The following MGA variants were observed in gnomAD, a reference collection of about 807,000 sequenced individuals.
MGA encodes MAX gene-associated protein.
Under a neutral mutation model 261.1 loss-of-function variants are expected in MGA, and 40 were observed. The ratio of observed to expected loss-of-function variants is 0.15; its 90% CI spans 0.12 to 0.20. The LOEUF is 0.20. Ranked by LOEUF, MGA falls within the 10% of genes least tolerant of loss-of-function variation. MGA has a pLI of 1.00. For missense variants in MGA, 3,397 were observed against 3,630.5 expected (o/e 0.94, Z 1.65); for synonymous variants, 1,302 against 1,290.6 (o/e 1.01, Z -0.19).
chr15:41,739,882 A>G, intron 13 of MGA, 24 bp from the exon 14 acceptor site: 1 of 1,601,888 alleles, frequency 6.2e-7, no homozygotes, highest in Non-Finnish European at 8.5e-7. Flanking sequence ...TCTTTACAGA[A>G]TTTCTCTTTG....
chr15:41,652,720 A>G (rs1004692237), intron 1 of MGA, among the ~76,000 whole-genome samples: 1 of 151,914 alleles, frequency 6.6e-6, no homozygotes, highest in African/African-American at 2.4e-5. Context: ...CAGTTTTTCA[A>G]TATGATTATT....
In MGA at chr15:41,767,197, G is replaced by T. The variant is rs1460794793; in HGVS notation, c.9115G>T (p.Glu3039Ter). The T allele has an allele frequency of 1.2e-6, 2 of 1,614,006 alleles. No homozygotes were observed. The highest frequency in any genetic ancestry group is 2.2e-5 in the South Asian group (2 of 91,078). The change falls in exon 24 of 24, where the codon GAA becomes TAA. Residue 3039 changes from glutamate (E) to a stop codon, truncating the protein, a stop_gained. Coordinates refer to ENST00000219905, the MANE Select transcript of MGA (RefSeq NM_001164273.2). LOFTEE classifies it high-confidence loss of function. ...AACAGGGAATGACCAGGAAGGCCGG[G>T]AAAGCAAGGTGATGCCTACATTGGC...
At chr15:41,655,875 G>T (rs1015563640), upstream of MGA, among the ~76,000 whole-genome samples, 2 of 152,126 alleles carry the variant, frequency 1.3e-5, no homozygotes, top group Non-Finnish European at 2.9e-5. Context: ...TATGTATTAC[G>T]ACCCTGTTTT....
At chr15:41,691,591 ATATT>A in intron 2 of MGA, 1 of 502,348 alleles carries the variant, frequency 2.0e-6, no homozygotes, top group Non-Finnish European at 4.2e-6. Context: ...AAGAACTGAT[ATATT>A]TGTCTTATTT....
At position 41,710,552 on chromosome 15, in the gene MGA, T is replaced by C. The variant is rs961129743; in HGVS notation, c.2426-139T>C. On this transcript the variant is annotated intron_variant, in intron 7 of 23. Transcript: ENST00000219905. ...AAAGTACTGGGATTACAGGTGGGAG[T>C]CACTGTGCCCAGCTAAGGGATAGTT... 5.9e-6 allele frequency: 5 copies of C among 845,576 alleles called. No homozygotes were observed. In the African/African-American group the frequency reaches 8.6e-5, roughly 15 times the overall value. 52.4% of individuals were successfully genotyped at this position (845,576 alleles called of 1,614,324 possible). A position where few individuals can be genotyped will look rare whatever the true frequency, so the allele number is the denominator to read the frequency against.
At chr15:41,639,479 T>G (rs1287576299) in intron 1 of MGA, among the ~76,000 whole-genome samples, 1 of 151,800 alleles carries the variant, frequency 6.6e-6, no homozygotes, top group Non-Finnish European at 1.5e-5. Context: ...GATCCCCCTA[T>G]CTAATTAGCT....
At position 41,669,974 on chromosome 15, in the gene MGA, TC is replaced by T. The variant is rs1179635673; in HGVS notation, c.1064+17del. On this transcript the variant is annotated intron_variant, in intron 2 of 23. Transcript: ENST00000219905. Reference sequence around the variant, plus strand: ...TTTCTGAATGGTAAGTAGTAGTTTTTCTGTTCTTAGAAATAAAAGGAAGATT... The same window carrying T: ...TTTCTGAATGGTAAGTAGTAGTTTTTTGTTCTTAGAAATAAAAGGAAGATT... 2 of 1,586,240 alleles carry T rather than the reference TC, an allele frequency of 1.3e-6. No homozygotes were observed. The highest frequency in any genetic ancestry group is 4.5e-5 in the East Asian group (2 of 44,666).
rs750127232 is a variant in MGA, at chr15:41,727,311, T to C, written c.3562T>C (p.Leu1188=). The C allele has an allele frequency of 2.7e-5, 43 of 1,614,000 alleles. No individual in the cohort carries two copies. In the East Asian group the frequency reaches 8.0e-4, roughly 30 times the overall value. The stretch of plus-strand genomic sequence containing the variant: ...CATTGAGCCTATGAAACCATTGTTA[T>C]TGCCTCAGCCAGAAGTTTTATCTCC... Residue 1188 remains leucine (L), a synonymous_variant, in exon 10 of 24, where the codon TTG becomes CTG. Transcript: ENST00000219905.
At chr15:41,627,083 AT>A (rs950006140) in intron 1 of MGA, among the ~76,000 whole-genome samples, 3 of 151,930 alleles carry the variant, frequency 2.0e-5, no homozygotes, top group Admixed American at 2.0e-4. Context: ...ATTTTTTTGT[AT>A]TTTTGGTAGA....
intron 15 of MGA, among the ~76,000 whole-genome samples, chr15:41,748,265 A>AT (rs2062620100): frequency 6.6e-6 from 1 of 151,606 alleles, no homozygotes; most frequent in Admixed American, 6.6e-5. Flanking sequence ...AAAAAAAAAA[A>AT]ATATAGACTG....
At chr15:41,745,316 A>G (rs2151883294) in intron 15 of MGA, among the ~76,000 whole-genome samples, 1 of 148,388 alleles carries the variant, frequency 6.7e-6, no homozygotes, top group Non-Finnish European at 1.5e-5. Flanking sequence ...AAGAGACAGC[A>G]TTAATTGGAA....
intron 2 of MGA, among the ~76,000 whole-genome samples, chr15:41,674,388 G>A (rs1173560672): frequency 6.6e-6 from 1 of 151,944 alleles, no homozygotes; most frequent in Non-Finnish European, 1.5e-5. Context: ...AGTAGAGGTG[G>A]GGTTTCAGCA....
intron 9 of MGA, among the ~76,000 whole-genome samples, chr15:41,723,040 T>C (rs1021126200): frequency 2.6e-5 from 4 of 152,190 alleles, no homozygotes. Context: ...GTAATATATA[T>C]TAGGAGGCAT....
At chr15:41,687,681 A>T (rs918683732) in intron 2 of MGA, among the ~76,000 whole-genome samples, 1 of 152,230 alleles carries the variant, frequency 6.6e-6, no homozygotes, top group African/African-American at 2.4e-5. Flanking sequence ...GTTGTCAAAG[A>T]ACATATGGCT....
At chr15:41,757,258 A>G (rs1288455094) in intron 18 of MGA, among the ~76,000 whole-genome samples, 1 of 152,190 alleles carries the variant, frequency 6.6e-6, no homozygotes, top group Non-Finnish European at 1.5e-5. Flanking sequence ...GATTCACCCA[A>G]CTGTGGATTG....
chr15:41,762,773 GT>G, intron 22 of MGA, among the ~76,000 whole-genome samples: 1 of 151,946 alleles, frequency 6.6e-6, no homozygotes, highest in Middle Eastern at 3.4e-3. Context: ...CCAGCCCACA[GT>G]TTTAGTTTTA....
At chr15:41,645,731 G>C (rs567166637) in intron 1 of MGA, among the ~76,000 whole-genome samples, 1 of 152,242 alleles carries the variant, frequency 6.6e-6, no homozygotes, top group East Asian at 1.9e-4. Context: ...ACCAAGTTCT[G>C]GTGCAAGTAT....
At chr15:41,623,534 C>T (rs1030925858) in intron 1 of MGA, among the ~76,000 whole-genome samples, 3 of 151,854 alleles carry the variant, frequency 2.0e-5, no homozygotes, top group Non-Finnish European at 2.9e-5. Flanking sequence ...CACCTGAGGT[C>T]GGGAGTTCGA....
In MGA at chr15:41,725,800, A is replaced by C. The variant is rs2061193462; in HGVS notation, c.3431-1380A>C. 4.6e-4 allele frequency among the ~76,000 whole-genome samples: 3 copies of C among 6,522 alleles called. 1 individual carries two copies. The South Asian group carries it at 0.019, about 42-fold the overall frequency. 4.3% of individuals were successfully genotyped at this position (6,522 alleles called of 152,430 possible). ...CAGTGAGCCGAGATCCCGCCACTGC[A>C]CTCCAGCCTGGGCGACAGAGCGAGA... On this transcript the variant is annotated intron_variant, in intron 9 of 23. Coordinates refer to ENST00000219905, the MANE Select transcript of MGA (RefSeq NM_001164273.2).
Sources: allele counts gnomAD v4.1 joint callset (sites outside exome capture counted in the v4.1 genomes callset), GRCh38; gene constraint gnomAD v4.1.1; transcripts MANE v1.5; gene names NCBI Gene and HGNC (gene_info 2026-07-23, HGNC 2026-07-21).